Variants in CCR5AS observed in about 807,000 individuals in gnomAD.
CCR5AS encodes CCR5 antisense RNA.
chr3:46,403,824 G>C (rs772498021), intron 1 of CCR5AS, among the ~76,000 whole-genome samples: 4 of 152,250 alleles, frequency 2.6e-5, no homozygotes, highest in Non-Finnish European at 5.9e-5. Flanking sequence ...GGAAGCCACT[G>C]TCGTGGTGTC....
chr3:46,378,263 AAT>A (rs2106758065), intron 2 of CCR5AS, among the ~76,000 whole-genome samples: 2 of 152,226 alleles, frequency 1.3e-5, no homozygotes, highest in East Asian at 1.9e-4. Context: ...TTATATAATT[AAT>A]ATATATTGTC....
intron 1 of CCR5AS, among the ~76,000 whole-genome samples, chr3:46,396,860 C>G (rs1194729925): frequency 6.6e-6 from 1 of 152,210 alleles, no homozygotes; most frequent in Non-Finnish European, 1.5e-5. Flanking sequence ...TCTCAGAGAG[C>G]CTGAGCCCTG....
chr3:46,377,129 G>A (rs781270927), intron 2 of CCR5AS, among the ~76,000 whole-genome samples: 8 of 152,178 alleles, frequency 5.3e-5, no homozygotes, highest in Non-Finnish European at 1.0e-4. Context: ...ATCAGCTTTT[G>A]TGGCTGACAT....
chr3:46,385,086 T>C (rs1176513975), intron 2 of CCR5AS, among the ~76,000 whole-genome samples: 1 of 150,788 alleles, frequency 6.6e-6, no homozygotes, highest in African/African-American at 2.4e-5. Context: ...GCAAAGCATA[T>C]GGTGAAGGGG....
intron 2 of CCR5AS, among the ~76,000 whole-genome samples, chr3:46,381,782 C>CA (rs1188894942): frequency 2.0e-5 from 3 of 152,156 alleles, no homozygotes; most frequent in African/African-American, 4.8e-5. Flanking sequence ...TGCCAAAAAG[C>CA]AGAGCCCAGC....
intron 2 of CCR5AS, among the ~76,000 whole-genome samples, chr3:46,387,585 CA>C (rs1270705810): frequency 1.3e-5 from 2 of 152,090 alleles, no homozygotes; most frequent in Admixed American, 1.3e-4. Context: ...CCCGTCTCTA[CA>C]AAAAATACAA....
intron 2 of CCR5AS, among the ~76,000 whole-genome samples, chr3:46,372,132 C>T (rs183753875): frequency 3.9e-5 from 6 of 152,182 alleles, no homozygotes; most frequent in Non-Finnish European, 8.8e-5. Flanking sequence ...ATGCTTAGAA[C>T]AGTGATTGGC....
chr3:46,404,212 T>C (rs1336460210), intron 1 of CCR5AS, among the ~76,000 whole-genome samples: 1 of 151,654 alleles, frequency 6.6e-6, no homozygotes. Flanking sequence ...TATAAGAACT[T>C]AGTGACAAGA....
At chr3:46,373,386 C>G (rs1559568294) in intron 2 of CCR5AS, 2 of 1,612,462 alleles carry the variant, frequency 1.2e-6, no homozygotes, top group Non-Finnish European at 1.7e-6. Context: ...TGCGTCTCTC[C>G]CAGGAATCAT....
chr3:46,379,857 A>T (rs35361358), intron 2 of CCR5AS, among the ~76,000 whole-genome samples: 2 of 152,066 alleles, frequency 1.3e-5, no homozygotes, highest in Non-Finnish European at 2.9e-5. Flanking sequence ...ACATCTAGCC[A>T]CTGCACTCCA....
At chr3:46,391,783 G>A (rs1390417446) in intron 2 of CCR5AS, among the ~76,000 whole-genome samples, 1 of 152,184 alleles carries the variant, frequency 6.6e-6, no homozygotes, top group Non-Finnish European at 1.5e-5. Context: ...GGGAGCAGAG[G>A]CTGGGGAAGA....
intron 1 of CCR5AS, among the ~76,000 whole-genome samples, chr3:46,394,356 C>T (rs545543780): frequency 6.6e-6 from 1 of 152,260 alleles, no homozygotes; most frequent in South Asian, 2.1e-4. Context: ...CTGCTACAGG[C>T]TCCTGGCAGA....
intron 2 of CCR5AS, among the ~76,000 whole-genome samples, chr3:46,378,436 G>A (rs971736398): frequency 6.6e-6 from 1 of 151,584 alleles, no homozygotes; most frequent in Non-Finnish European, 1.5e-5. Flanking sequence ...TCATGTTTTG[G>A]GGACTTATTT....
At chr3:46,400,310 G>A (rs745711914) in intron 1 of CCR5AS, among the ~76,000 whole-genome samples, 11 of 152,116 alleles carry the variant, frequency 7.2e-5, no homozygotes, top group Non-Finnish European at 1.2e-4. Flanking sequence ...AGCTGTTCTC[G>A]GAAACACACA....
At chr3:46,396,687 C>G (rs1186834757) in intron 1 of CCR5AS, among the ~76,000 whole-genome samples, 2 of 152,176 alleles carry the variant, frequency 1.3e-5, no homozygotes, top group African/African-American at 4.8e-5. Flanking sequence ...TTGCAGAGGC[C>G]TAGCGCCCTC....
chr3:46,369,442 G>C (rs1197330742), intron 3 of CCR5AS, among the ~76,000 whole-genome samples: 1 of 151,406 alleles, frequency 6.6e-6, no homozygotes, highest in Non-Finnish European at 1.5e-5. Context: ...ATATGGGGCG[G>C]GGGTGGGGGT....
chr3:46,399,998 A>AT (rs1559576568), intron 1 of CCR5AS, among the ~76,000 whole-genome samples: 1 of 152,112 alleles, frequency 6.6e-6, no homozygotes, highest in South Asian at 2.1e-4. Context: ...ACTTATTTTT[A>AT]TTTTTTTGAA....
rs947714980 is a variant in CCR5AS, at chr3:46,398,207, C to A, written n.164-5155G>T. On this transcript the variant is annotated intron_variant and non_coding_transcript_variant, in intron 1 of 3. Coordinates refer to ENST00000451485, the Ensembl canonical transcript of CCR5AS. ...CCCTCAAAATGGAAGACCCCAAAAC[C>A]CAGGCGCGGAAAATTCATATCAGGC... Among the ~76,000 whole-genome samples, 13 of 4,322 alleles carry A rather than the reference C, an allele frequency of 3.0e-3. No individual in the cohort carries two copies. In the African/African-American group the frequency reaches 0.043, roughly 14 times the overall value. 2.8% of individuals were successfully genotyped at this position (4,322 alleles called of 152,430 possible). A position where few individuals can be genotyped will look rare whatever the true frequency, so the allele number is the denominator to read the frequency against.
intron 3 of CCR5AS, among the ~76,000 whole-genome samples, chr3:46,368,213 C>G (rs1559565789): frequency 2.0e-5 from 3 of 152,148 alleles, no homozygotes; most frequent in Admixed American, 1.3e-4. Context: ...GCACGAAACA[C>G]CCTCCAATAT....
Sources: allele counts gnomAD v4.1 joint callset (sites outside exome capture counted in the v4.1 genomes callset), GRCh38; gene constraint gnomAD v4.1.1; transcripts MANE v1.5; gene names NCBI Gene and HGNC (gene_info 2026-07-23, HGNC 2026-07-21).